The following MYCBP2 variants were observed in gnomAD, a reference collection of about 807,000 sequenced individuals.
The protein encoded by MYCBP2 is MYC binding protein 2.
In MYCBP2, 120 loss-of-function variants were observed where a neutral mutation model predicts 525.3. That is an observed-to-expected ratio of 0.23 (90% confidence interval 0.20 to 0.27). The LOEUF is 0.27. Among genes scored for constraint, MYCBP2 ranks in the 10% least tolerant of loss-of-function variants. The probability of loss-of-function intolerance (pLI) is 1.00; values close to 1 mark genes in which losing one functional copy is unlikely to be tolerated. For missense variants in MYCBP2, 4,149 were observed against 5,657.1 expected, an observed-to-expected ratio of 0.73 and a Z score of 8.55; for synonymous variants, 1,894 against 1,955.8, an observed-to-expected ratio of 0.97 and a Z score of 0.83.
rs528110964 is a variant in MYCBP2, at chr13:77,146,669, A to G, written c.7132-452T>C. ...TGAAGAAGAAATCTGAAAGGTCAAT[A>G]AAGACTAGAAAAGTTATTTAACTAA... On this transcript the variant is annotated intron_variant, in intron 47 of 82. Coordinates refer to ENST00000544440, the MANE Select transcript of MYCBP2 (RefSeq NM_015057.5). 3.7e-4 allele frequency among the ~76,000 whole-genome samples: 57 copies of G among 152,314 alleles called. 1 individual carries two copies. The highest frequency in any genetic ancestry group is 1.2e-3 in the African/African-American group (49 of 41,580).
chr13:77,288,162 T>C lies in MYCBP2; in HGVS notation c.593A>G (p.Lys198Arg). ...TATTAATAGAACTCAGTGGCTTACC[T>C]TTGGAAGCTTGATAGGGGGCTCTTT... ...ESKEPPIKLP[K>R]IIEVGLCEVF... Residue 198 changes from lysine to arginine, a missense_variant and splice_region_variant, in exon 3 of 83, where the codon AAG (lysine) becomes AGG (arginine). Coordinates refer to ENST00000544440, the MANE Select transcript of MYCBP2 (RefSeq NM_015057.5). 1.2e-6 allele frequency: 2 copies of C among 1,613,922 alleles called. No individual in the cohort carries two copies.
intron 47 of MYCBP2, among the ~76,000 whole-genome samples, chr13:77,147,244 G>A (rs2055740952): frequency 6.6e-6 from 1 of 152,066 alleles, no homozygotes; most frequent in Non-Finnish European, 1.5e-5. Flanking sequence ...TACACTCAGG[G>A]CAGTGGTTAC....
At chr13:77,072,791 T>C (rs1452901482) in intron 68 of MYCBP2, among the ~76,000 whole-genome samples, 1 of 152,094 alleles carries the variant, frequency 6.6e-6, no homozygotes, top group Non-Finnish European at 1.5e-5. Flanking sequence ...ATTGCTTGAG[T>C]GTCAGAACTA....
At chr13:77,050,964 C>A (rs1405237075) in intron 82 of MYCBP2, 33 bp downstream of exon 82, 1 of 1,563,638 alleles carries the variant, frequency 6.4e-7, no homozygotes, top group South Asian at 1.2e-5. Context: ...GTATATAGAT[C>A]ATAATCGTGA....
rs60927409 is a variant in MYCBP2 at position 77,183,541 on chromosome 13, C to CTTTTTTTTTTTTTTTT, written c.4719+1546_4719+1561dup. The stretch of plus-strand genomic sequence containing the variant: ...TTGTTTATAGTGATAGTCCCTATTT[C>CTTTTTTTTTTTTTTTT]TTTTTTTTTTTTTTTTTTTTTTTTT... On this transcript the variant is annotated intron_variant, in intron 32 of 82. Coordinates refer to ENST00000544440, the MANE Select transcript of MYCBP2 (RefSeq NM_015057.5). Among the ~76,000 whole-genome samples the CTTTTTTTTTTTTTTTT allele has an allele frequency of 1.2e-4, 8 of 66,050 alleles. 1 individual carries two copies. Among genetic ancestry groups the CTTTTTTTTTTTTTTTT allele is most frequent in the African/African-American group, 3.5e-4 (5 of 14,090 alleles). The allele number at this position is 66,050 out of a possible 152,430, so 43.3% of individuals were successfully genotyped here. A position where few individuals can be genotyped will look rare whatever the true frequency, so the allele number is the denominator to read the frequency against.
intron 55 of MYCBP2, among the ~76,000 whole-genome samples, chr13:77,120,120 TA>T (rs1365721738): frequency 6.6e-6 from 1 of 152,186 alleles, no homozygotes; most frequent in African/African-American, 2.4e-5. Context: ...AACAAGGCTT[TA>T]AAACATTACT....
At chr13:77,110,157 G>C (rs1025232290) in intron 55 of MYCBP2, 1 of 152,212 alleles carries the variant, frequency 6.6e-6, no homozygotes, top group African/African-American at 2.4e-5. Flanking sequence ...TTCTTACAGA[G>C]AGCCTATAAA....
At chr13:77,143,769 G>A (rs1046285734) in intron 49 of MYCBP2, among the ~76,000 whole-genome samples, 1 of 152,052 alleles carries the variant, frequency 6.6e-6, no homozygotes, top group Non-Finnish European at 1.5e-5. Context: ...AGATTACCTG[G>A]GTTATATGGT....
intron 1 of MYCBP2, among the ~76,000 whole-genome samples, chr13:77,301,864 C>G (rs947502574): frequency 8.6e-5 from 13 of 151,980 alleles, no homozygotes; most frequent in African/African-American, 3.1e-4. Context: ...AAAAAAAGAA[C>G]CAAGTGGACA....
chr13:77,121,572 C>G (rs939458120), intron 54 of MYCBP2, 77 bp from the exon 55 acceptor site: 36 of 1,336,198 alleles, frequency 2.7e-5, no homozygotes, highest in African/African-American at 4.5e-5. Flanking sequence ...GAGAAAATTG[C>G]AAAAGATTTT....
At chr13:77,158,310 C>T (rs556399345) in intron 44 of MYCBP2, among the ~76,000 whole-genome samples, 18 of 152,246 alleles carry the variant, frequency 1.2e-4, no homozygotes, top group Non-Finnish European at 2.5e-4. Flanking sequence ...AGTCTCTTTC[C>T]TCCCTCAAAA....
At chr13:77,131,517 A>AACACAC (rs55921143) in intron 52 of MYCBP2, among the ~76,000 whole-genome samples, 299 of 146,586 alleles carry the variant, frequency 2.0e-3, no homozygotes, top group East Asian at 0.012. Context: ...CACACAAACA[A>AACACAC]ACACACACAC....
chr13:77,225,292 T>C (rs1298061273), intron 19 of MYCBP2, 143 bp downstream of exon 19: 8 of 1,010,280 alleles, frequency 7.9e-6, no homozygotes, highest in Non-Finnish European at 1.0e-5. Flanking sequence ...CTGTAATAAA[T>C]ACAAAGGTCT....
chr13:77,317,893 C>A (rs527420537), intron 1 of MYCBP2, among the ~76,000 whole-genome samples: 1 of 152,010 alleles, frequency 6.6e-6, no homozygotes, highest in African/African-American at 2.4e-5. Flanking sequence ...GCTGAGATCA[C>A]GCCATTGCAC....
intron 52 of MYCBP2, among the ~76,000 whole-genome samples, chr13:77,127,307 T>C (rs1362757355): frequency 6.6e-6 from 1 of 151,968 alleles, no homozygotes; most frequent in Non-Finnish European, 1.5e-5. Context: ...AAGAGTCACT[T>C]CTAAAATGAA....
chr13:77,058,437 G>A lies in MYCBP2; in HGVS notation c.13141-31C>T. 6.6e-7 allele frequency: 1 copy of A among 1,510,258 alleles called. No homozygotes were observed. Among genetic ancestry groups the A allele is most frequent in the East Asian group, 2.4e-5 (1 of 41,194 alleles). 93.6% of individuals were successfully genotyped at this position (1,510,258 alleles called of 1,614,324 possible). On this transcript the variant is annotated intron_variant, in intron 77 of 82. Transcript: ENST00000544440. The surrounding 1 kb of genome is among the most constrained non-coding windows in gnomAD (Gnocchi z 4.1). Reference sequence around the variant, plus strand: ...AAAGATGAATTACAATGTTACACAAGTATGTAAAAAAGCACACATTCTGGT... The same window carrying A: ...AAAGATGAATTACAATGTTACACAAATATGTAAAAAAGCACACATTCTGGT...
intron 68 of MYCBP2, among the ~76,000 whole-genome samples, chr13:77,071,494 C>T (rs2041284714): frequency 6.6e-6 from 1 of 152,140 alleles, no homozygotes; most frequent in African/African-American, 2.4e-5. Flanking sequence ...GAGGAAAAAC[C>T]TGATCATCTA....
chr13:77,076,302 A>G (rs1446581513), intron 68 of MYCBP2: 1 of 152,632 alleles, frequency 6.6e-6, no homozygotes, highest in Non-Finnish European at 1.5e-5. Flanking sequence ...TAAACATAAG[A>G]GAAAAATGAA....
rs2039233158 is a variant in MYCBP2 at position 77,061,190 on chromosome 13, C to G, written c.13015G>C (p.Val4339Leu). Reference sequence around the variant, plus strand: ...TTACCTGTGTGTTCTCGGAATTCCACCATTGCCTTCATTGTTTTAGAATCT... The same window carrying G: ...TTACCTGTGTGTTCTCGGAATTCCAGCATTGCCTTCATTGTTTTAGAATCT... ...LADSKTMKAM[V>L]EFREHTGKPT... The change falls in exon 76 of 83, where the codon GTG (valine) becomes CTG (leucine). Residue 4339 changes from valine to leucine, a missense_variant. By Grantham distance (32) the Val-to-Leu change is conservative (BLOSUM62 1). This residue lies in a region of MYCBP2 where 220 missense variants were observed against 396.0 expected (regional missense o/e 0.56). Transcript: ENST00000544440. The G allele has an allele frequency of 6.2e-7, 1 of 1,607,782 alleles. No homozygotes were observed. Among genetic ancestry groups the G allele is most frequent in the Non-Finnish European group, 8.5e-7 (1 of 1,177,364 alleles).
Sources: allele counts gnomAD v4.1 joint callset (sites outside exome capture counted in the v4.1 genomes callset), GRCh38; gene constraint gnomAD v4.1.1; regional missense constraint gnomAD v4.1.1; non-coding constraint Gnocchi (gnomAD v3.1); transcripts MANE v1.5; gene names NCBI Gene and HGNC (gene_info 2026-07-23, HGNC 2026-07-21).